Variants in CRISP2 observed in about 807,000 individuals in gnomAD.
The protein encoded by CRISP2 is cysteine rich secretory protein 2.
CRISP2 carries 29 observed loss-of-function variants against 31.7 expected under a neutral mutation model. The ratio of observed to expected loss-of-function variants is 0.92; its 90% CI spans 0.68 to 1.25. CRISP2 has a LOEUF of 1.25. Among genes scored for constraint, CRISP2 ranks in the 50% most tolerant of loss-of-function variants. The pLI, the probability that CRISP2 is intolerant of heterozygous loss-of-function variation, is 0.00. For missense variants in CRISP2, 318 were observed against 286.5 expected (o/e 1.11, Z -0.79); for synonymous variants, 111 against 101.4 (o/e 1.09, Z -0.57).
Position 49,697,957 on chromosome 6 carries a change from G to A in CRISP2, c.418C>T (p.Leu140Phe). Residue 140 changes from leucine (L) to phenylalanine (F), a missense_variant and splice_region_variant, in exon 8 of 10, where the codon CTT (leucine) becomes TTT (phenylalanine). Transcript: ENST00000339139. ...PNAVVGHYTQ[L>F]VWYSTYQVGC... is the part of the protein sequence containing the mutation. ...ACCTGGTAAGTCGAGTACCAAACAA[G>A]CTGCAAATTAACAATGGAATAAATA... The A allele has an allele frequency of 6.3e-7, 1 of 1,580,636 alleles. No individual in the cohort carries two copies. Among genetic ancestry groups the A allele is most frequent in the Non-Finnish European group, 8.6e-7 (1 of 1,166,102 alleles).
At position 49,699,784 on chromosome 6, in the gene CRISP2, ATATTTAC is replaced by A; in HGVS notation, c.271+13_271+19del. On this transcript the variant is annotated intron_variant, in intron 6 of 9. Transcript: ENST00000339139. ...TTTTATTCATTTATTTATTCAACAAATATTTACTAATTTACATACTGGTTTTGCGGTC... is the reference window on the plus strand; with the variant it reads ...TTTTATTCATTTATTTATTCAACAAATAATTTACATACTGGTTTTGCGGTC... 1 of 1,511,406 alleles carries A rather than the reference ATATTTAC, an allele frequency of 6.6e-7. No individual in the cohort carries two copies. Among genetic ancestry groups the A allele is most frequent in the Non-Finnish European group, 9.2e-7 (1 of 1,089,240 alleles). The allele number at this position is 1,511,406 out of a possible 1,614,324, so 93.6% of individuals were successfully genotyped here. A position where few individuals can be genotyped will look rare whatever the true frequency, so the allele number is the denominator to read the frequency against.
chr6:49,686,377 G>A, the CRISP2 span, among the ~76,000 whole-genome samples: 10 of 152,108 alleles, frequency 6.6e-5, no homozygotes, highest in African/African-American at 9.7e-5. Flanking sequence ...TGCTAGAAGC[G>A]AATTAATGAT....
the CRISP2 span, among the ~76,000 whole-genome samples, chr6:49,680,647 A>C: frequency 6.6e-5 from 10 of 152,152 alleles, no homozygotes; most frequent in Non-Finnish European, 1.3e-4. Context: ...TTTTCTCCAC[A>C]ACCTTGCCAA....
intron 9 of CRISP2, among the ~76,000 whole-genome samples, chr6:49,694,576 A>G (rs1229577470): frequency 1.3e-5 from 2 of 152,086 alleles, no homozygotes; most frequent in African/African-American, 4.8e-5. Context: ...CCCCAAGTGG[A>G]CAGTGTCTCT....
At chr6:49,695,809 A>G in intron 9 of CRISP2, 27 bp downstream of exon 9, 1 of 1,405,472 alleles carries the variant, frequency 7.1e-7, no homozygotes, top group Non-Finnish European at 1.0e-6. Context: ...ATAATAAATA[A>G]TAGCAAGCTA....
At chr6:49,687,176 CAT>C in the CRISP2 span, among the ~76,000 whole-genome samples, 1 of 152,160 alleles carries the variant, frequency 6.6e-6, no homozygotes, top group African/African-American at 2.4e-5. Context: ...ACATTGTGCA[CAT>C]GTGCCTAAAA....
chr6:49,706,492 T>C (rs1026741798), intron 4 of CRISP2, among the ~76,000 whole-genome samples: 1 of 152,200 alleles, frequency 6.6e-6, no homozygotes, highest in Non-Finnish European at 1.5e-5. Flanking sequence ...AATTGGGTGC[T>C]AATATGTTTG....
chr6:49,713,785 T>TAGG (rs1015330840), upstream of CRISP2, among the ~76,000 whole-genome samples: 2 of 152,214 alleles, frequency 1.3e-5, no homozygotes, highest in African/African-American at 4.8e-5. Flanking sequence ...TGCGCCGTAC[T>TAGG]AGGAGGAGGA....
chr6:49,696,729 G>A (rs1764828354), intron 8 of CRISP2, among the ~76,000 whole-genome samples: 1 of 152,072 alleles, frequency 6.6e-6, no homozygotes, highest in Non-Finnish European at 1.5e-5. Flanking sequence ...AAATTATGTG[G>A]GAGTCCAAAT....
chr6:49,701,966 C>T (rs56191013), intron 4 of CRISP2, among the ~76,000 whole-genome samples: 223 of 1,524 alleles, frequency 0.15, 1 homozygote, highest in Non-Finnish European at 0.17. Flanking sequence ...TTATATTATA[C>T]ATAATATATA....
At chr6:49,677,875 A>G in the CRISP2 span, among the ~76,000 whole-genome samples, 1 of 152,176 alleles carries the variant, frequency 6.6e-6, no homozygotes, top group African/African-American at 2.4e-5. Flanking sequence ...TATAGTGGAT[A>G]CATAAGAAAT....
rs758940444 is a variant in CRISP2, at chr6:49,699,781, C to T, written c.271+23G>A. The T allele has an allele frequency of 4.7e-6, 7 of 1,490,658 alleles. No individual in the cohort carries two copies. In the African/African-American group the frequency reaches 9.7e-5, roughly 21 times the overall value. 92.3% of individuals were successfully genotyped at this position (1,490,658 alleles called of 1,614,324 possible). A position where few individuals can be genotyped will look rare whatever the true frequency, so the allele number is the denominator to read the frequency against. ...TTATTTTATTCATTTATTTATTCAA[C>T]AAATATTTACTAATTTACATACTGG... On this transcript the variant is annotated intron_variant, in intron 6 of 9. Transcript: ENST00000339139.
the CRISP2 span, among the ~76,000 whole-genome samples, chr6:49,686,865 A>C: frequency 4.5e-4 from 69 of 152,344 alleles, no homozygotes; most frequent in African/African-American, 1.5e-3. Context: ...ATGGAATACT[A>C]TGCAGCCATA....
At chr6:49,713,012 A>G (rs375080785) in intron 1 of CRISP2, among the ~76,000 whole-genome samples, 1 of 149,832 alleles carries the variant, frequency 6.7e-6, no homozygotes, top group African/African-American at 2.4e-5. Flanking sequence ...TTGTCTCTTC[A>G]TTTTTTTTTT....
chr6:49,708,435 C>T (rs963136174), intron 4 of CRISP2, among the ~76,000 whole-genome samples: 2 of 152,140 alleles, frequency 1.3e-5, no homozygotes, highest in South Asian at 2.1e-4. Context: ...TGAGATTAGC[C>T]TTGATTATCC....
intron 4 of CRISP2, among the ~76,000 whole-genome samples, chr6:49,705,667 T>C (rs545759403): frequency 6.6e-6 from 1 of 152,336 alleles, no homozygotes; most frequent in Admixed American, 6.5e-5. Flanking sequence ...AAGTCAGAAA[T>C]GGCTTCCCTG....
Position 49,692,561 on chromosome 6 carries a change from A to C in CRISP2, c.*212T>G, listed in dbSNP as rs536401902. The stretch of plus-strand genomic sequence containing the variant: ...TGATTCAGTTCGTTATAAAGCACTA[A>C]ATTTATGTCAGAGTTCACAGTTGTC... On this transcript the variant is annotated 3_prime_UTR_variant, in exon 10 of 10. Coordinates refer to ENST00000339139, the MANE Select transcript of CRISP2 (RefSeq NM_003296.4). 1 of 447,960 alleles carries C rather than the reference A, an allele frequency of 2.2e-6. No individual in the cohort carries two copies. 27.7% of individuals were successfully genotyped at this position (447,960 alleles called of 1,614,324 possible).
At chr6:49,707,055 T>C (rs1318740426) in intron 4 of CRISP2, among the ~76,000 whole-genome samples, 2 of 152,212 alleles carry the variant, frequency 1.3e-5, no homozygotes, top group African/African-American at 4.8e-5. Context: ...AAAAAGTTAA[T>C]TTCTAAATTA....
chr6:49,694,709 GCAA>G (rs1764448679), intron 9 of CRISP2, among the ~76,000 whole-genome samples: 1 of 151,540 alleles, frequency 6.6e-6, no homozygotes, highest in Non-Finnish European at 1.5e-5. Context: ...ATAGCATTCA[GCAA>G]AATGTATAAG....
Sources: allele counts gnomAD v4.1 joint callset (sites outside exome capture counted in the v4.1 genomes callset), GRCh38; gene constraint gnomAD v4.1.1; transcripts MANE v1.5; gene names NCBI Gene and HGNC (gene_info 2026-07-23, HGNC 2026-07-21).